The following TSPAN9 variants were observed in gnomAD, a reference collection of about 807,000 sequenced individuals.
TSPAN9 encodes tetraspanin-9.
TSPAN9 carries 16 observed loss-of-function variants against 31.0 expected under a neutral mutation model. That is an observed-to-expected ratio of 0.52 (90% CI 0.35 to 0.78). The LOEUF (loss-of-function observed/expected upper bound fraction) is 0.78. Ranked by LOEUF, TSPAN9 falls within the 30% of genes least tolerant of loss-of-function variation. The pLI is 0.01. For synonymous variants in TSPAN9, 145 were observed against 121.6 expected (o/e 1.19, Z -1.27); for missense variants, 272 against 312.5 (o/e 0.87, Z 0.98).
chr12:3,269,041 T>TGC (rs1862611779), intron 3 of TSPAN9, among the ~76,000 whole-genome samples: 1 of 60,868 alleles, frequency 1.6e-5, no homozygotes, highest in Non-Finnish European at 3.1e-5. Flanking sequence ...GCCCTCCCTG[T>TGC]GTTCCTGCAG....
At chr12:3,258,728 T>C (rs1330341144) in intron 3 of TSPAN9, among the ~76,000 whole-genome samples, 1 of 152,144 alleles carries the variant, frequency 6.6e-6, no homozygotes, top group African/African-American at 2.4e-5. Context: ...GCTCCCAAGA[T>C]CTTCTCCCAA....
At chr12:3,081,193 G>T (rs534619701) in intron 1 of TSPAN9, among the ~76,000 whole-genome samples, 1 of 152,302 alleles carries the variant, frequency 6.6e-6, no homozygotes, top group South Asian at 2.1e-4. Context: ...TTATAACCTC[G>T]TGGAGGAGAC....
In TSPAN9 at chr12:3,283,014, C is replaced by T. The variant is rs183339238; in HGVS notation, c.649-31C>T. 100 of 1,604,522 alleles carry T rather than the reference C, an allele frequency of 6.2e-5. No individual in the cohort carries two copies. The East Asian group carries it at 1.1e-3, about 18-fold the overall frequency. ...AGGTCAGGTCCAGGCTGCTGCAGCT[C>T]CTGCCTCAGGCCCCTCCCCGTGTCT... On this transcript the variant is annotated intron_variant, in intron 8 of 8. Transcript: ENST00000011898.
intron 2 of TSPAN9, among the ~76,000 whole-genome samples, chr12:3,087,468 C>T (rs942395922): frequency 6.6e-6 from 1 of 151,726 alleles, no homozygotes; most frequent in Non-Finnish European, 1.5e-5. Flanking sequence ...GAGCCATGAT[C>T]GTACCACTGC....
chr12:3,116,180 A>G (rs2098322289), intron 2 of TSPAN9, among the ~76,000 whole-genome samples: 1 of 152,160 alleles, frequency 6.6e-6, no homozygotes, highest in Non-Finnish European at 1.5e-5. Flanking sequence ...CAGCCTGCCA[A>G]CTCTTTAACA....
chr12:3,201,894 C>T (rs2098372092), intron 3 of TSPAN9, among the ~76,000 whole-genome samples: 1 of 152,132 alleles, frequency 6.6e-6, no homozygotes, highest in Admixed American at 6.5e-5. Flanking sequence ...ATGCTGCCAT[C>T]GGGTGGCTGG....
At chr12:3,121,506 C>T (rs544100840) in intron 2 of TSPAN9, among the ~76,000 whole-genome samples, 1 of 146,282 alleles carries the variant, frequency 6.8e-6, no homozygotes, top group African/African-American at 2.5e-5. Context: ...ACCACAGGCA[C>T]ATGCCACCAT....
At chr12:3,229,485 C>T (rs887906171) in intron 3 of TSPAN9, among the ~76,000 whole-genome samples, 2 of 152,244 alleles carry the variant, frequency 1.3e-5, no homozygotes, top group Non-Finnish European at 2.9e-5. Context: ...TATTCTCTCT[C>T]CCTTGTCGTC....
intron 2 of TSPAN9, among the ~76,000 whole-genome samples, chr12:3,089,295 G>T (rs2098302660): frequency 8.7e-6 from 1 of 115,118 alleles, no homozygotes; most frequent in African/African-American, 3.4e-5. Context: ...AGAATTCAAG[G>T]TGAATTTTTT....
At position 3,285,753 on chromosome 12, in the gene TSPAN9, G is replaced by A. The variant is rs1174749085; in HGVS notation, c.*2637G>A. On this transcript the variant is annotated 3_prime_UTR_variant, in exon 9 of 9. Coordinates refer to ENST00000011898, the MANE Select transcript of TSPAN9 (RefSeq NM_006675.5). ...GTCAGTTCAATCAGGTCTGATGTGA[G>A]CAATTTACACACTTGTCTCAGAAAG... is the stretch of plus-strand genomic sequence containing the variant. 1 of 152,258 alleles carries A rather than the reference G, an allele frequency of 6.6e-6. No individual in the cohort carries two copies. The highest frequency in any genetic ancestry group is 1.5e-5 in the Non-Finnish European group (1 of 68,058). The allele number at this position is 152,258 out of a possible 1,614,324, so 9.4% of individuals were successfully genotyped here.
chr12:3,166,240 A>G (rs2098348364), intron 2 of TSPAN9, among the ~76,000 whole-genome samples: 1 of 152,244 alleles, frequency 6.6e-6, no homozygotes. Flanking sequence ...ACTTTAATTT[A>G]ATAGACATTT....
chr12:3,082,570 C>T (rs2098298446), intron 1 of TSPAN9, among the ~76,000 whole-genome samples: 1 of 151,998 alleles, frequency 6.6e-6, no homozygotes, highest in African/African-American at 2.4e-5. Flanking sequence ...CAGGGCTGGG[C>T]TTAAGGAGGG....
intron 3 of TSPAN9, among the ~76,000 whole-genome samples, chr12:3,256,093 C>T (rs1326175446): frequency 6.6e-6 from 1 of 152,180 alleles, no homozygotes; most frequent in Non-Finnish European, 1.5e-5. Flanking sequence ...ACCCCACTCC[C>T]ACCCCTTTGC....
At chr12:3,281,446 T>TG (rs1862893089) in intron 7 of TSPAN9, 117 bp downstream of exon 7, 1 of 1,299,070 alleles carries the variant, frequency 7.7e-7, no homozygotes, top group Non-Finnish European at 9.9e-7. Context: ...AATGTGGCGG[T>TG]GGGGGGCTCA....
intron 3 of TSPAN9, among the ~76,000 whole-genome samples, chr12:3,239,650 T>G (rs1197529276): frequency 6.6e-6 from 1 of 152,170 alleles, no homozygotes; most frequent in African/African-American, 2.4e-5. Context: ...TGGTCTGAAC[T>G]GGGTAGAGGT....
At chr12:3,235,008 A>C (rs915844679) in intron 3 of TSPAN9, among the ~76,000 whole-genome samples, 2 of 143,898 alleles carry the variant, frequency 1.4e-5, no homozygotes, top group Non-Finnish European at 3.0e-5. Context: ...AAAAAATACA[A>C]AAAAAAAAAT....
chr12:3,198,692 T>C (rs372837652), intron 2 of TSPAN9, among the ~76,000 whole-genome samples: 918 of 27,170 alleles, frequency 0.034, 8 homozygotes, highest in South Asian at 0.044. Context: ...CCAGCACAGG[T>C]CACCACCAGC....
chr12:3,209,687 C>T (rs550957110), intron 3 of TSPAN9, among the ~76,000 whole-genome samples: 31 of 147,536 alleles, frequency 2.1e-4, no homozygotes, highest in Non-Finnish European at 2.9e-4. Flanking sequence ...GGGCCGGGCG[C>T]GGTGGCTCAC....
intron 2 of TSPAN9, among the ~76,000 whole-genome samples, chr12:3,127,022 A>G (rs940371527): frequency 1.3e-5 from 2 of 152,058 alleles, no homozygotes; most frequent in Admixed American, 1.3e-4. Flanking sequence ...TGATCCTTCT[A>G]CCTTTGCCTC....
Sources: allele counts gnomAD v4.1 joint callset (sites outside exome capture counted in the v4.1 genomes callset), GRCh38; gene constraint gnomAD v4.1.1; transcripts MANE v1.5; gene names NCBI Gene and HGNC (gene_info 2026-07-23, HGNC 2026-07-21).